SPAG16: variants seen among roughly 807,000 people sequenced by gnomAD.
SPAG16 encodes sperm associated antigen 16, also known as sperm-associated antigen 16 protein.
SPAG16 carries 86 observed loss-of-function variants against 80.4 expected under a neutral mutation model. The ratio of observed to expected loss-of-function variants is 1.07; its 90% CI spans 0.90 to 1.28. The LOEUF is 1.28. SPAG16 is among the 50% of genes most tolerant of loss of function. The pLI is 0.00. For missense variants in SPAG16, 870 were observed against 765.3 expected, an observed-to-expected ratio of 1.14 and a Z score of -1.61; for synonymous variants, 294 against 265.9, an observed-to-expected ratio of 1.11 and a Z score of -1.03.
At chr2:214,013,875 C>T in intron 12 of SPAG16, 76 bp from the exon 13 acceptor site, 16 of 1,414,664 alleles carry the variant, frequency 1.1e-5, no homozygotes, top group East Asian at 7.3e-5. Flanking sequence ...GCCTCAGTTC[C>T]TTAAATTATT....
chr2:214,305,125 A>G (rs1694824861), intron 15 of SPAG16, among the ~76,000 whole-genome samples: 2 of 152,196 alleles, frequency 1.3e-5, no homozygotes, highest in African/African-American at 4.8e-5. Flanking sequence ...TCTAATGATC[A>G]GTGATGTTGA....
intron 10 of SPAG16, among the ~76,000 whole-genome samples, chr2:213,829,754 C>T (rs1191215210): frequency 6.6e-6 from 1 of 152,138 alleles, no homozygotes; most frequent in Non-Finnish European, 1.5e-5. Flanking sequence ...CCCTTCAAGG[C>T]AGCAGGTTCC....
At chr2:213,324,113 A>C (rs2063743785) in intron 5 of SPAG16, among the ~76,000 whole-genome samples, 1 of 152,146 alleles carries the variant, frequency 6.6e-6, no homozygotes, top group African/African-American at 2.4e-5. Context: ...AAGAGGGTAG[A>C]TCTCATGTTA....
rs574070598 is a variant in SPAG16 at position 213,454,035 on chromosome 2, A to G, written c.943-35928A>G. ...CCTCCCCTTCTCCATGACTCGCTAT[A>G]ACCTCTGATTCTTCAGTATGAAAGT... On this transcript the variant is annotated intron_variant, in intron 9 of 15. Transcript: ENST00000331683. Among the ~76,000 whole-genome samples, 25 of 152,202 alleles carry G rather than the reference A, an allele frequency of 1.6e-4. No individual in the cohort carries two copies. In the South Asian group the frequency reaches 4.2e-3, roughly 25 times the overall value.
intron 10 of SPAG16, among the ~76,000 whole-genome samples, chr2:213,844,743 C>T (rs1230370474): frequency 6.6e-6 from 1 of 152,102 alleles, no homozygotes; most frequent in African/African-American, 2.4e-5. Flanking sequence ...CAGTTTTTTA[C>T]TGTCTTTACC....
intron 12 of SPAG16, among the ~76,000 whole-genome samples, chr2:213,982,475 A>G (rs4673799): frequency 0.54 from 82,010 of 151,918 alleles, 23,377 homozygotes; most frequent in South Asian, 0.77. Context: ...TGTGTTTTAT[A>G]CTTACATACA....
At chr2:213,971,593 A>G (rs969866491) in intron 12 of SPAG16, among the ~76,000 whole-genome samples, 4 of 152,144 alleles carry the variant, frequency 2.6e-5, no homozygotes, top group African/African-American at 7.2e-5. Flanking sequence ...ACCAGAATCT[A>G]TTTCAGAATT....
At chr2:214,237,075 G>A (rs1689132128) in intron 15 of SPAG16, among the ~76,000 whole-genome samples, 1 of 152,122 alleles carries the variant, frequency 6.6e-6, no homozygotes, top group Admixed American at 6.6e-5. Flanking sequence ...ATATTTCTTA[G>A]TAAATATCAT....
chr2:213,491,686 G>A (rs2074241724), intron 10 of SPAG16, among the ~76,000 whole-genome samples: 2 of 152,260 alleles, frequency 1.3e-5, no homozygotes, highest in African/African-American at 4.8e-5. Context: ...ATTAAGTGGA[G>A]GTTAAGGGAA....
chr2:213,698,893 C>A (rs1198822524), intron 10 of SPAG16, among the ~76,000 whole-genome samples: 2 of 152,134 alleles, frequency 1.3e-5, no homozygotes, highest in Admixed American at 1.3e-4. Context: ...CAGTATAAAC[C>A]CACTAAACTG....
intron 6 of SPAG16, among the ~76,000 whole-genome samples, chr2:213,349,435 A>G (rs1430471070): frequency 6.6e-6 from 1 of 152,210 alleles, no homozygotes; most frequent in African/African-American, 2.4e-5. Context: ...ATAAACTCTT[A>G]ATAGACTGAT....
intron 15 of SPAG16, among the ~76,000 whole-genome samples, chr2:214,244,704 G>A (rs997678566): frequency 1.3e-5 from 2 of 152,044 alleles, no homozygotes; most frequent in African/African-American, 4.8e-5. Flanking sequence ...AGTGTATTAT[G>A]ACTACTAATG....
At chr2:213,975,062 A>C (rs2045295461) in intron 12 of SPAG16, among the ~76,000 whole-genome samples, 1 of 151,386 alleles carries the variant, frequency 6.6e-6, no homozygotes, top group South Asian at 2.1e-4. Flanking sequence ...AGATAAAATA[A>C]ATAAAAATTT....
At chr2:214,189,277 C>G (rs1576454706) in intron 15 of SPAG16, among the ~76,000 whole-genome samples, 1 of 151,954 alleles carries the variant, frequency 6.6e-6, no homozygotes, top group African/African-American at 2.4e-5. Context: ...AATGAGAGAG[C>G]TGGCTTTTGA....
At chr2:213,632,005 C>A (rs2062172974) in intron 10 of SPAG16, among the ~76,000 whole-genome samples, 1 of 151,800 alleles carries the variant, frequency 6.6e-6, no homozygotes, top group African/African-American at 2.4e-5. Context: ...GATTTTTTTT[C>A]TATTTCTGTG....
At chr2:213,310,429 A>G (rs2063141824) in intron 4 of SPAG16, among the ~76,000 whole-genome samples, 1 of 151,780 alleles carries the variant, frequency 6.6e-6, no homozygotes, top group Non-Finnish European at 1.5e-5. Flanking sequence ...CCAAATATTT[A>G]AGTTTAAGTA....
intron 15 of SPAG16, among the ~76,000 whole-genome samples, chr2:214,149,877 T>C (rs375947346): frequency 2.0e-5 from 3 of 152,084 alleles, no homozygotes; most frequent in South Asian, 4.1e-4. Flanking sequence ...GCTGATTTTA[T>C]GAACCACACA....
At chr2:214,252,417 G>A (rs1037299068) in intron 15 of SPAG16, among the ~76,000 whole-genome samples, 1 of 151,844 alleles carries the variant, frequency 6.6e-6, no homozygotes, top group Non-Finnish European at 1.5e-5. Flanking sequence ...TCTACATTAG[G>A]TATTTCCCCT....
chr2:214,383,949 T>C (rs888206022), intron 15 of SPAG16, among the ~76,000 whole-genome samples: 1 of 152,176 alleles, frequency 6.6e-6, no homozygotes, highest in Non-Finnish European at 1.5e-5. Flanking sequence ...ATAAAACAAC[T>C]TTGCCCATCA....
Sources: gnomAD v4.1 joint callset for allele counts (sites outside exome capture counted in the v4.1 genomes callset) on GRCh38, gnomAD v4.1.1 for gene constraint, MANE v1.5 for transcripts, NCBI Gene and HGNC (gene_info 2026-07-23, HGNC 2026-07-21) for gene names.